The following ANXA8 variants were observed in gnomAD, a reference collection of about 807,000 sequenced individuals.
ANXA8 encodes VAC-beta.
In ANXA8, 9 loss-of-function variants were observed where a neutral mutation model predicts 26.8. The ratio of observed to expected loss-of-function variants is 0.34; its 90% confidence interval spans 0.20 to 0.59. The LOEUF (loss-of-function observed/expected upper bound fraction) is 0.59, where lower values mean the gene tolerates loss of function less well. Among genes scored for constraint, ANXA8 ranks in the 20% least tolerant of loss-of-function variants. The probability of loss-of-function intolerance (pLI) is 0.84; values close to 1 mark genes in which losing one functional copy is unlikely to be tolerated. For synonymous variants in ANXA8, 39 were observed against 94.8 expected (o/e 0.41, Z 3.42); for missense variants, 83 against 238.5 (o/e 0.35, Z 4.29).
chr10:47,683,223 AT>A, the ANXA8 span, among the ~76,000 whole-genome samples: 951 of 110,580 alleles, frequency 8.6e-3, 8 homozygotes, highest in African/African-American at 0.025. Context: ...GCATTTACTA[AT>A]TTTTTTTTTT....
the ANXA8 span, among the ~76,000 whole-genome samples, chr10:47,614,140 A>C: frequency 0.11 from 8,075 of 74,070 alleles, 3,019 homozygotes; most frequent in African/African-American, 0.3. Context: ...CTACTGTCTT[A>C]TATCATACCT....
chr10:47,623,959 G>A, the ANXA8 span, among the ~76,000 whole-genome samples: 48 of 97,694 alleles, frequency 4.9e-4, no homozygotes, highest in African/African-American at 1.8e-3. Flanking sequence ...AAAGGTGGCC[G>A]GGCGCAGTGG....
chr10:47,590,985 G>A, the ANXA8 span, among the ~76,000 whole-genome samples: 1 of 139,570 alleles, frequency 7.2e-6, no homozygotes, highest in Non-Finnish European at 1.5e-5. Flanking sequence ...ATGAAACACT[G>A]ACTGAACTGT....
chr10:47,772,188 C>A, the ANXA8 span, among the ~76,000 whole-genome samples: 1 of 151,616 alleles, frequency 6.6e-6, no homozygotes, highest in Non-Finnish European at 1.5e-5. Flanking sequence ...TGTTACTTAG[C>A]AAGACATTTG....
At chr10:47,613,806 C>A in the ANXA8 span, among the ~76,000 whole-genome samples, 4,226 of 65,250 alleles carry the variant, frequency 0.065, 178 homozygotes, top group Non-Finnish European at 0.12. Context: ...CACTTGCATG[C>A]GCAGTTCACA....
the ANXA8 span, among the ~76,000 whole-genome samples, chr10:47,982,265 G>C: frequency 6.7e-6 from 1 of 149,000 alleles, no homozygotes; most frequent in Non-Finnish European, 1.5e-5. Flanking sequence ...ACTCCAGCCT[G>C]GGCAACAGAA....
At chr10:47,738,556 T>C in the ANXA8 span, among the ~76,000 whole-genome samples, 2 of 151,590 alleles carry the variant, frequency 1.3e-5, no homozygotes, top group Admixed American at 6.5e-5. Flanking sequence ...GCAGTCCACA[T>C]TTAAAGGGTA....
chr10:47,985,417 A>C, the ANXA8 span: 16 of 131,250 alleles, frequency 1.2e-4, no homozygotes, highest in Non-Finnish European at 9.8e-5. Flanking sequence ...TTCTCAAAAA[A>C]CATGCACTTA....
the ANXA8 span, among the ~76,000 whole-genome samples, chr10:47,738,871 AG>A: frequency 4.6e-5 from 7 of 150,920 alleles, no homozygotes; most frequent in Non-Finnish European, 8.9e-5. Context: ...GCCATCAGCC[AG>A]TTTTTTTGTT....
the ANXA8 span, among the ~76,000 whole-genome samples, chr10:47,732,781 A>C: frequency 2.8e-5 from 4 of 143,684 alleles, no homozygotes; most frequent in Non-Finnish European, 6.1e-5. Flanking sequence ...AGTTGACAAC[A>C]TTGGGTGCAT....
the ANXA8 span, among the ~76,000 whole-genome samples, chr10:47,610,241 T>G: frequency 2.0e-5 from 3 of 146,536 alleles, no homozygotes; most frequent in African/African-American, 8.0e-5. Context: ...TATTAAGAAA[T>G]AATCTCTGAC....
chr10:47,928,976 T>A, the ANXA8 span, among the ~76,000 whole-genome samples: 1 of 121,212 alleles, frequency 8.3e-6, no homozygotes, highest in Admixed American at 8.3e-5. Context: ...GGTCTCCCTA[T>A]GTTGTCCAGG....
At chr10:47,954,682 C>T in the ANXA8 span, among the ~76,000 whole-genome samples, 1 of 150,482 alleles carries the variant, frequency 6.6e-6, no homozygotes, top group East Asian at 2.1e-4. Context: ...TATACACCTA[C>T]TATGTACCCA....
the ANXA8 span, among the ~76,000 whole-genome samples, chr10:47,613,726 G>A: frequency 4.1e-5 from 3 of 74,030 alleles, 1 homozygote; most frequent in African/African-American, 1.2e-4. Context: ...TTGGGGGGAA[G>A]GTTTTGGGAT....
the ANXA8 span, among the ~76,000 whole-genome samples, chr10:47,617,657 C>T: frequency 1.3e-5 from 2 of 148,418 alleles, no homozygotes; most frequent in African/African-American, 5.2e-5. Flanking sequence ...AAACTGCCCT[C>T]ATCTTTTTGC....
At chr10:47,770,074 G>A in the ANXA8 span, among the ~76,000 whole-genome samples, 1 of 144,452 alleles carries the variant, frequency 6.9e-6, no homozygotes, top group South Asian at 2.2e-4. Flanking sequence ...TGAACTCAGA[G>A]CAATAACTCA....
the ANXA8 span, among the ~76,000 whole-genome samples, chr10:47,733,219 T>TCTCTCTCTCTC: frequency 2.2e-4 from 15 of 68,078 alleles, no homozygotes; most frequent in South Asian, 5.2e-4. Flanking sequence ...CTTTCTTTCT[T>TCTCTCTCTCTC]TCTCTTTCTT....
the ANXA8 span, among the ~76,000 whole-genome samples, chr10:47,535,573 A>G: frequency 6.8e-6 from 1 of 146,922 alleles, no homozygotes; most frequent in Non-Finnish European, 1.5e-5. Flanking sequence ...AGCAAAAAAA[A>G]TTTTTTTTTT....
chr10:47,744,515 C>T, the ANXA8 span, among the ~76,000 whole-genome samples: 1 of 149,916 alleles, frequency 6.7e-6, no homozygotes, highest in South Asian at 2.1e-4. Flanking sequence ...TCCTTTCTCC[C>T]ACTCTGGCAG....
Sources: gnomAD v4.1 joint callset for allele counts (sites outside exome capture counted in the v4.1 genomes callset) on GRCh38, gnomAD v4.1.1 for gene constraint, MANE v1.5 for transcripts, NCBI Gene and HGNC (gene_info 2026-07-23, HGNC 2026-07-21) for gene names.